CDH8: variants seen among roughly 807,000 people sequenced by gnomAD.
The protein encoded by CDH8 is cadherin-8.
Under a neutral mutation model 68.1 loss-of-function variants are expected in CDH8, and 17 were observed. The observed-to-expected ratio is 0.25, with a 90% CI of 0.17 to 0.37. The LOEUF (loss-of-function observed/expected upper bound fraction) is 0.37, where lower values mean the gene tolerates loss of function less well. Among genes scored for constraint, CDH8 ranks in the 10% least tolerant of loss-of-function variants. CDH8 has a pLI of 1.00. For missense variants in CDH8, 763 were observed against 999.3 expected, an observed-to-expected ratio of 0.76 and a Z score of 3.19; for synonymous variants, 372 against 365.1, an observed-to-expected ratio of 1.02 and a Z score of -0.21.
At chr16:61,999,121 A>G (rs750015178) in intron 2 of CDH8, among the ~76,000 whole-genome samples, 1 of 152,218 alleles carries the variant, frequency 6.6e-6, no homozygotes, top group Non-Finnish European at 1.5e-5. Flanking sequence ...TAAGGATAAT[A>G]AAGAGAGTAG....
intron 4 of CDH8, among the ~76,000 whole-genome samples, chr16:61,843,946 C>G (rs1183494581): frequency 1.3e-5 from 2 of 152,086 alleles, no homozygotes; most frequent in African/African-American, 2.4e-5. Context: ...GAGATGGTAT[C>G]TCATTGTGGT....
At position 61,652,790 on chromosome 16, in the gene CDH8, C is replaced by T. The variant is rs760846448; in HGVS notation, c.*818G>A. ...TTCGAGGATTAAACAAATAAATTCA[C>T]GCGCTAGCAATAAAACCATCTGTCT... On this transcript the variant is annotated 3_prime_UTR_variant, in exon 12 of 12. Coordinates refer to ENST00000577390, the MANE Select transcript of CDH8 (RefSeq NM_001796.5). 39 of 1,342,360 alleles carry T rather than the reference C, an allele frequency of 2.9e-5. No homozygotes were observed. Among genetic ancestry groups the T allele is most frequent in the Middle Eastern group, 2.1e-4 (1 of 4,700 alleles). 83.2% of individuals were successfully genotyped at this position (1,342,360 alleles called of 1,614,324 possible).
intron 2 of CDH8, among the ~76,000 whole-genome samples, chr16:61,953,518 T>C (rs1268721407): frequency 6.6e-6 from 1 of 151,696 alleles, no homozygotes; most frequent in Non-Finnish European, 1.5e-5. Flanking sequence ...TATATAATGC[T>C]AGTTCTTGTC....
At chr16:61,777,033 A>G (rs186180842) in intron 8 of CDH8, among the ~76,000 whole-genome samples, 16 of 152,270 alleles carry the variant, frequency 1.1e-4, no homozygotes, top group Admixed American at 9.8e-4. Context: ...TTAACAAAAG[A>G]GTGAGCATGG....
intron 8 of CDH8, among the ~76,000 whole-genome samples, chr16:61,767,017 A>G (rs574263612): frequency 4.6e-5 from 7 of 152,088 alleles, no homozygotes; most frequent in African/African-American, 1.7e-4. Context: ...CATTCTATGC[A>G]GCAAGCCATC....
chr16:61,814,995 C>T (rs1962039540), intron 7 of CDH8, among the ~76,000 whole-genome samples: 1 of 152,140 alleles, frequency 6.6e-6, no homozygotes, highest in Admixed American at 6.6e-5. Context: ...AATGTGTGGG[C>T]TCCCCCTTCT....
At chr16:61,689,078 G>T (rs923646634) in intron 10 of CDH8, among the ~76,000 whole-genome samples, 6 of 151,982 alleles carry the variant, frequency 3.9e-5, no homozygotes, top group African/African-American at 1.4e-4. Context: ...ATAAGGAAGA[G>T]CAGGAAATGA....
chr16:61,849,172 A>G (rs903542266), intron 4 of CDH8, among the ~76,000 whole-genome samples: 21 of 152,034 alleles, frequency 1.4e-4, no homozygotes, highest in Non-Finnish European at 3.1e-4. Flanking sequence ...TTGTCCTAAA[A>G]CAATAATAGT....
chr16:61,994,267 A>T (rs895089650), intron 2 of CDH8, among the ~76,000 whole-genome samples: 7 of 152,106 alleles, frequency 4.6e-5, no homozygotes, highest in Non-Finnish European at 1.0e-4. Flanking sequence ...ATTCATTTTA[A>T]ATTTTGCTTC....
At chr16:61,765,147 A>G (rs1003414936) in intron 8 of CDH8, among the ~76,000 whole-genome samples, 6 of 152,072 alleles carry the variant, frequency 3.9e-5, no homozygotes, top group African/African-American at 1.4e-4. Flanking sequence ...AGACATGAAA[A>G]TGTAGTAATA....
intron 3 of CDH8, among the ~76,000 whole-genome samples, chr16:61,900,189 A>G (rs16964054): frequency 0.21 from 31,717 of 151,958 alleles, 3,705 homozygotes; most frequent in African/African-American, 0.32. Context: ...GCTTTAAATA[A>G]TGAATATACA....
rs1397778619 is a variant in CDH8, at chr16:61,983,838, A to G, written c.252+37314T>C. ...GCTTACAGATGGCTGCCTTCTTGCT[A>G]TGTCTTCACATGGCAAGGAGAGAAA... On this transcript the variant is annotated intron_variant, in intron 2 of 11. Coordinates refer to ENST00000577390, the MANE Select transcript of CDH8 (RefSeq NM_001796.5). Among the ~76,000 whole-genome samples, 3 of 151,132 alleles carry G rather than the reference A, an allele frequency of 2.0e-5. No individual in the cohort carries two copies. The East Asian group carries it at 5.8e-4, about 29-fold the overall frequency.
chr16:61,783,810 C>T (rs983600202), intron 8 of CDH8, among the ~76,000 whole-genome samples: 1 of 152,076 alleles, frequency 6.6e-6, no homozygotes, highest in Non-Finnish European at 1.5e-5. Flanking sequence ...GAATTTTCAA[C>T]CCAGAATTTC....
chr16:61,772,782 A>AC (rs1960810851), intron 8 of CDH8, among the ~76,000 whole-genome samples: 1 of 152,038 alleles, frequency 6.6e-6, no homozygotes, highest in African/African-American at 2.4e-5. Flanking sequence ...TCACATGGAA[A>AC]CTTGTTAGAA....
chr16:61,951,926 T>C (rs1169291112), intron 2 of CDH8, among the ~76,000 whole-genome samples: 6 of 152,192 alleles, frequency 3.9e-5, no homozygotes, highest in Admixed American at 3.9e-4. Flanking sequence ...CAAGAATTTG[T>C]CAACTTTGCT....
At chr16:61,941,589 A>G (rs1964725564) in intron 2 of CDH8, among the ~76,000 whole-genome samples, 2 of 152,190 alleles carry the variant, frequency 1.3e-5, no homozygotes, top group South Asian at 4.1e-4. Flanking sequence ...GGCTGGGATT[A>G]TGGGCATGTG....
intron 3 of CDH8, 99 bp from the exon 4 acceptor site, chr16:61,857,337 G>C: frequency 9.9e-7 from 1 of 1,012,356 alleles, no homozygotes; most frequent in South Asian, 1.5e-5. Context: ...CCATGTGTAG[G>C]GAATAAAAGG....
rs1963464605 is a variant in CDH8 at position 61,657,170 on chromosome 16, T to C, written c.1655-1449A>G. Among the ~76,000 whole-genome samples the C allele has an allele frequency of 3.3e-5, 5 of 152,182 alleles. No homozygotes were observed. In the South Asian group the frequency reaches 1.0e-3, roughly 32 times the overall value. On this transcript the variant is annotated intron_variant, in intron 10 of 11. Transcript: ENST00000577390. ...TTGCCATCCAATTTCTGATCATCAGTATCCTATTGGTTTCCAAAATACTTA... is the reference window on the plus strand; with the variant it reads ...TTGCCATCCAATTTCTGATCATCAGCATCCTATTGGTTTCCAAAATACTTA...
chr16:61,669,371 G>A (rs1963745641), intron 10 of CDH8, among the ~76,000 whole-genome samples: 1 of 151,974 alleles, frequency 6.6e-6, no homozygotes, highest in Non-Finnish European at 1.5e-5. Flanking sequence ...CCAGCATGCC[G>A]CAATACAGTG....
Sources: allele counts gnomAD v4.1 joint callset (sites outside exome capture counted in the v4.1 genomes callset), GRCh38; gene constraint gnomAD v4.1.1; transcripts MANE v1.5; gene names NCBI Gene and HGNC (gene_info 2026-07-23, HGNC 2026-07-21).